IRF2: variants seen among roughly 807,000 people sequenced by gnomAD.
IRF2 encodes the protein interferon regulatory factor 2.
In IRF2, 15 loss-of-function variants were observed where a neutral mutation model predicts 40.6. That is an observed-to-expected ratio of 0.37 (90% CI 0.25 to 0.57). IRF2 has a LOEUF of 0.57. Ranked by LOEUF, IRF2 falls within the 20% of genes least tolerant of loss-of-function variation. The probability of loss-of-function intolerance (pLI) is 0.77; values close to 1 mark genes in which losing one functional copy is unlikely to be tolerated. For synonymous variants in IRF2, 151 were observed against 165.5 expected (o/e 0.91, Z 0.67); for missense variants, 317 against 455.7 (o/e 0.70, Z 2.77).
chr4:184,388,845 G>A lies in IRF2; in HGVS notation c.963C>T (p.Ser321=). 2 of 1,614,092 alleles carry A rather than the reference G, an allele frequency of 1.2e-6. No individual in the cohort carries two copies. The highest frequency in any genetic ancestry group is 8.5e-7 in the Non-Finnish European group (1 of 1,180,022). The change falls in exon 9 of 9, where the codon TCC becomes TCT. Residue 321 remains serine, a synonymous_variant. Transcript: ENST00000393593. This position sits in a 1 kb window ranked among gnomAD's most constrained non-coding sequence, Gnocchi z 4.6. ...LPLSSSMTPA[S]SSSRPDRETR... ...TCTCCCGGTCTGGCCGACTGCTGCT[G>A]GATGCTGGGGTCATGGAGGAAGAAA...
At chr4:184,439,839 A>G (rs1461188822) in intron 1 of IRF2, among the ~76,000 whole-genome samples, 1 of 152,080 alleles carries the variant, frequency 6.6e-6, no homozygotes, top group Non-Finnish European at 1.5e-5. Context: ...TGGGGCCCCT[A>G]TGTGTGTGTG....
intron 1 of IRF2, among the ~76,000 whole-genome samples, chr4:184,454,128 T>C (rs1389555143): frequency 6.6e-6 from 1 of 152,170 alleles, no homozygotes; most frequent in African/African-American, 2.4e-5. Context: ...TCTTTTCCCC[T>C]GGATGAGAGT....
At chr4:184,452,398 G>T (rs1009223656) in intron 1 of IRF2, among the ~76,000 whole-genome samples, 1 of 152,206 alleles carries the variant, frequency 6.6e-6, no homozygotes, top group African/African-American at 2.4e-5. Flanking sequence ...ATATCCAGAG[G>T]CTCCCAGAAG....
chr4:184,438,575 T>C (rs995264979), intron 1 of IRF2, among the ~76,000 whole-genome samples: 1 of 152,076 alleles, frequency 6.6e-6, no homozygotes, highest in Admixed American at 6.6e-5. Flanking sequence ...TGTGCGAGCA[T>C]GTGGACGGCA....
chr4:184,415,014 T>C (rs1737212988), intron 5 of IRF2, among the ~76,000 whole-genome samples: 1 of 152,352 alleles, frequency 6.6e-6, no homozygotes, highest in Admixed American at 6.5e-5. Context: ...TAGCTAGTAA[T>C]TGTCCTCTGA....
At chr4:184,468,380 G>A (rs1453771528) in intron 1 of IRF2, among the ~76,000 whole-genome samples, 6 of 152,118 alleles carry the variant, frequency 3.9e-5, no homozygotes, top group Admixed American at 1.3e-4. Flanking sequence ...CCAGCTACTC[G>A]GGAGGCTGAG....
intron 1 of IRF2, among the ~76,000 whole-genome samples, chr4:184,460,670 C>A (rs917748671): frequency 2.5e-4 from 30 of 120,702 alleles, no homozygotes; most frequent in Admixed American, 2.5e-3. Flanking sequence ...CACGCGCACA[C>A]ACACACACAT....
chr4:184,468,276 TCAGGAGTTCGAGAC>T (rs3836660), intron 1 of IRF2, among the ~76,000 whole-genome samples: 8,311 of 152,070 alleles, frequency 0.055, 642 homozygotes, highest in African/African-American at 0.17. Context: ...TCACCTGAGG[TCAGGAGTTCGAGAC>T]CAGCCGGCCA....
At chr4:184,472,895 C>T (rs1739565499) in intron 1 of IRF2, among the ~76,000 whole-genome samples, 2 of 152,224 alleles carry the variant, frequency 1.3e-5, no homozygotes, top group Admixed American at 6.5e-5. Context: ...TCCTTCCCCT[C>T]CCCCGCTTCT....
At chr4:184,421,733 A>C (rs1737489225) in intron 2 of IRF2, among the ~76,000 whole-genome samples, 1 of 147,536 alleles carries the variant, frequency 6.8e-6, no homozygotes. Flanking sequence ...GCATACACAT[A>C]CACACACACA....
intron 2 of IRF2, among the ~76,000 whole-genome samples, chr4:184,424,956 T>C (rs1413426931): frequency 6.6e-6 from 1 of 152,218 alleles, no homozygotes; most frequent in Non-Finnish European, 1.5e-5. Context: ...TTCATCTGTG[T>C]ATTCCCAGAA....
intron 1 of IRF2, among the ~76,000 whole-genome samples, chr4:184,442,724 C>G (rs1738358033): frequency 6.6e-6 from 1 of 152,012 alleles, no homozygotes; most frequent in African/African-American, 2.4e-5. Flanking sequence ...GCTTCCCACT[C>G]TAAAAATGAC....
intron 5 of IRF2, among the ~76,000 whole-genome samples, chr4:184,410,821 T>C (rs79848891): frequency 6.6e-6 from 1 of 152,310 alleles, no homozygotes; most frequent in East Asian, 1.9e-4. Context: ...GATCTACAGT[T>C]TAATTAGTGA....
chr4:184,466,113 C>T (rs908815781), intron 1 of IRF2, among the ~76,000 whole-genome samples: 8 of 148,512 alleles, frequency 5.4e-5, no homozygotes, highest in African/African-American at 1.5e-4. Flanking sequence ...CAAGCTGGTG[C>T]GATCTCGGCT....
Position 184,448,227 on chromosome 4 carries a change from A to C in IRF2, c.-6-19157T>G, listed in dbSNP as rs1287514447. On this transcript the variant is annotated intron_variant, in intron 1 of 8. Coordinates refer to ENST00000393593, the MANE Select transcript of IRF2 (RefSeq NM_002199.4). This position sits in a 1 kb window ranked among gnomAD's most constrained non-coding sequence, Gnocchi z 4.3. ...GGAAAGACGACGACAGCCTTTCTGCAAATACAACAAACTCTAGGAAACCCC... is the reference window on the plus strand; with the variant it reads ...GGAAAGACGACGACAGCCTTTCTGCCAATACAACAAACTCTAGGAAACCCC... Among the ~76,000 whole-genome samples, 1 of 152,224 alleles carries C rather than the reference A, an allele frequency of 6.6e-6. No individual in the cohort carries two copies. Among genetic ancestry groups the C allele is most frequent in the Middle Eastern group, 3.2e-3 (1 of 316 alleles).
intron 1 of IRF2, among the ~76,000 whole-genome samples, chr4:184,440,574 C>G (rs751796593): frequency 6.6e-6 from 1 of 152,234 alleles, no homozygotes; most frequent in Non-Finnish European, 1.5e-5. Flanking sequence ...GGCTGGAGAA[C>G]CTCGCAGCAG....
chr4:184,402,076 C>T (rs1736685849), intron 6 of IRF2, among the ~76,000 whole-genome samples: 2 of 152,104 alleles, frequency 1.3e-5, no homozygotes, highest in Non-Finnish European at 2.9e-5. Flanking sequence ...GAAGGAGCAG[C>T]GGAAGATCGA....
chr4:184,407,059 T>C (rs902608830), intron 6 of IRF2: 3 of 500,982 alleles, frequency 6.0e-6, no homozygotes, highest in Non-Finnish European at 1.0e-5. Flanking sequence ...GGCTGTGTTT[T>C]ATCAAGAAAC....
chr4:184,424,737 A>G (rs1364563861), intron 2 of IRF2, among the ~76,000 whole-genome samples: 3 of 152,228 alleles, frequency 2.0e-5, no homozygotes, highest in African/African-American at 7.2e-5. Context: ...GTATTCTGTT[A>G]GAAGCAACAG....
Sources: allele counts gnomAD v4.1 joint callset (sites outside exome capture counted in the v4.1 genomes callset), GRCh38; gene constraint gnomAD v4.1.1; non-coding constraint Gnocchi (gnomAD v3.1); transcripts MANE v1.5; gene names NCBI Gene and HGNC (gene_info 2026-07-23, HGNC 2026-07-21).